Variants in MED26 observed in about 807,000 individuals in gnomAD.
The protein encoded by MED26 is mediator of RNA polymerase II transcription subunit 26.
A neutral mutation model predicts 43.7 loss-of-function variants in MED26; 7 were observed. That is an observed-to-expected ratio of 0.16 (90% CI 0.09 to 0.30). The LOEUF is 0.30. Among genes scored for constraint, MED26 ranks in the 10% least tolerant of loss-of-function variants. MED26 has a pLI of 1.00. For missense variants in MED26, 784 were observed against 840.6 expected (o/e 0.93, Z 0.83); for synonymous variants, 375 against 371.1 (o/e 1.01, Z -0.12).
chr19:16,615,547 G>A (rs541659717), intron 1 of MED26, among the ~76,000 whole-genome samples: 4 of 152,248 alleles, frequency 2.6e-5, no homozygotes, highest in African/African-American at 9.6e-5. Flanking sequence ...AGGAGTTCGA[G>A]ACCAGCCTGG....
In MED26 at chr19:16,576,083, C is replaced by G; in HGVS notation, c.1747G>C (p.Asp583His). 1 of 1,613,860 alleles carries G rather than the reference C, an allele frequency of 6.2e-7. No homozygotes were observed. The highest frequency in any genetic ancestry group is 1.3e-5 in the African/African-American group (1 of 75,030). ...WYDWTQCISLDPHGDDGRLNI... is the reference protein window; with the variant it reads ...WYDWTQCISLHPHGDDGRLNI... ...AAGCGCCCGTCGTCGCCGTGCGGAT[C>G]GAGCGATATGCACTGCGTCCAGTCA... The change falls in exon 3 of 3, where the codon GAT (aspartate) becomes CAT (histidine). Residue 583 changes from aspartate (D) to histidine (H), a missense_variant. Asp to His is a moderately conservative substitution (Grantham distance 81). This residue lies in a region of MED26 where 719 missense variants were observed against 730.9 expected (regional missense o/e 0.98). Coordinates refer to ENST00000263390, the MANE Select transcript of MED26 (RefSeq NM_004831.5). The surrounding 1 kb of genome is among the most constrained non-coding windows in gnomAD (Gnocchi z 6.8).
chr19:16,627,242 A>G (rs893637008), intron 1 of MED26, among the ~76,000 whole-genome samples: 2 of 152,166 alleles, frequency 1.3e-5, no homozygotes, highest in South Asian at 2.1e-4. Flanking sequence ...GAGATCATCT[A>G]TCGTCGGCAG....
At chr19:16,579,647 C>T (rs906542065) in intron 1 of MED26, among the ~76,000 whole-genome samples, 1 of 152,174 alleles carries the variant, frequency 6.6e-6, no homozygotes, top group African/African-American at 2.4e-5. Context: ...GGCTGGCTAG[C>T]GGGTGGGAGC....
At chr19:16,626,808 A>C (rs1295334112) in intron 1 of MED26, among the ~76,000 whole-genome samples, 1 of 152,124 alleles carries the variant, frequency 6.6e-6, no homozygotes, top group African/African-American at 2.4e-5. Context: ...GCCTCCCCTC[A>C]TACCTGGATG....
At chr19:16,592,966 C>T (rs2086104698) in intron 1 of MED26, among the ~76,000 whole-genome samples, 1 of 152,228 alleles carries the variant, frequency 6.6e-6, no homozygotes, top group African/African-American at 2.4e-5. Context: ...CAACTCACAG[C>T]CAAACCTCCC....
At chr19:16,610,216 C>A (rs552035697) in intron 1 of MED26, among the ~76,000 whole-genome samples, 1 of 151,884 alleles carries the variant, frequency 6.6e-6, no homozygotes, top group Non-Finnish European at 1.5e-5. Flanking sequence ...GCTATGATTG[C>A]GCTATTGCAC....
At position 16,587,137 on chromosome 19, in the gene MED26, C is replaced by T. The variant is rs1356910682; in HGVS notation, c.73-8728G>A. On this transcript the variant is annotated intron_variant, in intron 1 of 2. Coordinates refer to ENST00000263390, the MANE Select transcript of MED26 (RefSeq NM_004831.5). This position sits in a 1 kb window ranked among gnomAD's most constrained non-coding sequence, Gnocchi z 4.9. ...CACCCCCCAACCCCCAACACACAGTCGTGTCTGCTGAGGACACACGGGTGA... is the reference window on the plus strand; with the variant it reads ...CACCCCCCAACCCCCAACACACAGTTGTGTCTGCTGAGGACACACGGGTGA... 2 of 151,784 alleles carry T rather than the reference C, an allele frequency of 1.3e-5. No homozygotes were observed. The highest frequency in any genetic ancestry group is 3.9e-4 in the East Asian group (2 of 5,164). The allele number at this position is 151,784 out of a possible 1,614,324, so 9.4% of individuals were successfully genotyped here.
At position 16,582,639 on chromosome 19, in the gene MED26, C is replaced by T. The variant is rs185408696; in HGVS notation, c.73-4230G>A. On this transcript the variant is annotated intron_variant, in intron 1 of 2. Transcript: ENST00000263390. ...TCGTATGTGGCTGAGGGGAGGCTCC[C>T]GCTCTGACTCCAGGCCTGCTAAGTC... Among the ~76,000 whole-genome samples the T allele has an allele frequency of 2.7e-4, 41 of 152,296 alleles. No homozygotes were observed. In the East Asian group the frequency reaches 6.4e-3, roughly 24 times the overall value.
At position 16,578,279 on chromosome 19, in the gene MED26, T is replaced by C. The variant is rs750757912; in HGVS notation, c.147+56A>G. On this transcript the variant is annotated intron_variant, in intron 2 of 2. Transcript: ENST00000263390. ...AGAAGCTGCGGAAGGACCTGGTTGG[T>C]ACCATCCCCTGCCCCCCGTTCTGCC... 1.5e-5 allele frequency: 23 copies of C among 1,514,494 alleles called. No individual in the cohort carries two copies. In the Admixed American group the frequency reaches 3.3e-4, roughly 22 times the overall value. The allele number at this position is 1,514,494 out of a possible 1,614,324, so 93.8% of individuals were successfully genotyped here.
chr19:16,611,144 G>C (rs1425087582), intron 1 of MED26: 2 of 152,788 alleles, frequency 1.3e-5, no homozygotes, highest in East Asian at 1.9e-4. Flanking sequence ...GCAGAGGAGG[G>C]CTGGAGAACA....
intron 1 of MED26, among the ~76,000 whole-genome samples, chr19:16,585,223 G>C (rs1229931620): frequency 6.6e-6 from 1 of 152,150 alleles, no homozygotes; most frequent in Admixed American, 6.5e-5. Context: ...CATGCCAGCT[G>C]TCCATCCCGG....
Position 16,576,580 on chromosome 19 carries a change from G to C in MED26, c.1250C>G (p.Pro417Arg). Residue 417 changes from proline (P) to arginine (R), a missense_variant, in exon 3 of 3, where the codon CCT becomes CGT. By Grantham distance (103) the Pro-to-Arg change is moderately radical. This residue lies in a region of MED26 where 719 missense variants were observed against 730.9 expected (regional missense o/e 0.98). Transcript: ENST00000263390. This position sits in a 1 kb window ranked among gnomAD's most constrained non-coding sequence, Gnocchi z 6.8. ...DGQVAEAGVK[P>R]VRLKERKLTF... ...GAGCTTCCGCTCTTTTAACCGGACA[G>C]GCTTGACGCCCGCCTCAGCCACCTG... The C allele has an allele frequency of 6.2e-7, 1 of 1,614,224 alleles. No homozygotes were observed. Among genetic ancestry groups the C allele is most frequent in the Non-Finnish European group, 8.5e-7 (1 of 1,180,042 alleles).
At chr19:16,608,849 A>G (rs548402086) in intron 1 of MED26, among the ~76,000 whole-genome samples, 1 of 152,366 alleles carries the variant, frequency 6.6e-6, no homozygotes, top group South Asian at 2.1e-4. Flanking sequence ...CCTGGGGTTT[A>G]GACTTAAGAA....
chr19:16,589,790 CCTA>C (rs2086087639), intron 1 of MED26, among the ~76,000 whole-genome samples: 1 of 152,188 alleles, frequency 6.6e-6, no homozygotes, highest in Non-Finnish European at 1.5e-5. Flanking sequence ...TTAAAAATAA[CCTA>C]CTGTGTGTGA....
At chr19:16,614,916 C>A (rs1401985035) in intron 1 of MED26, among the ~76,000 whole-genome samples, 1 of 152,174 alleles carries the variant, frequency 6.6e-6, no homozygotes, top group African/African-American at 2.4e-5. Flanking sequence ...TGAATTCTTA[C>A]CCCCAAGCCC....
rs2086293251 is a variant in MED26, at chr19:16,628,161, G to A, written c.-218C>T. The A allele has an allele frequency of 5.5e-6, 2 of 362,354 alleles. No homozygotes were observed. Among genetic ancestry groups the A allele is most frequent in the South Asian group, 1.3e-4 (1 of 7,822 alleles). 22.4% of individuals were successfully genotyped at this position (362,354 alleles called of 1,614,324 possible). On this transcript the variant is annotated 5_prime_UTR_variant, in exon 1 of 3. Coordinates refer to ENST00000263390, the MANE Select transcript of MED26 (RefSeq NM_004831.5). ...CAAAGGAGGAGGAGGAGCCGCCGGAGCCGCCGCCGCTCGCTGCCGCCGCCT... is the reference window on the plus strand; with the variant it reads ...CAAAGGAGGAGGAGGAGCCGCCGGAACCGCCGCCGCTCGCTGCCGCCGCCT...
Position 16,575,414 on chromosome 19 carries a change from T to A in MED26, c.*613A>T, listed in dbSNP as rs1190649641. Reference sequence around the variant, plus strand: ...TATAAACAGGTGGCTGCCCATGGAGTGTGGGTCACACTGGCTGGCCAGCTG... The same window carrying A: ...TATAAACAGGTGGCTGCCCATGGAGAGTGGGTCACACTGGCTGGCCAGCTG... On this transcript the variant is annotated 3_prime_UTR_variant, in exon 3 of 3. Transcript: ENST00000263390. 2 of 152,972 alleles carry A rather than the reference T, an allele frequency of 1.3e-5. No individual in the cohort carries two copies. The highest frequency in any genetic ancestry group is 4.1e-4 in the South Asian group (2 of 4,840). The allele number at this position is 152,972 out of a possible 1,614,324, so 9.5% of individuals were successfully genotyped here.
In MED26 at chr19:16,576,187, G is replaced by C. The variant is rs781584589; in HGVS notation, c.1643C>G (p.Thr548Arg). Reference sequence around the variant, plus strand: ...CTGGATTCTGTCGAGATCGTCCTGTGTGACCTCCCGGGTCAGACCAGGGAG... The same window carrying C: ...CTGGATTCTGTCGAGATCGTCCTGTCTGACCTCCCGGGTCAGACCAGGGAG... ...TDLPGLTREV[T>R]QDDLDRIQAS... is the part of the protein sequence containing the mutation. The change falls in exon 3 of 3, where the codon ACA (threonine) becomes AGA (arginine). Residue 548 changes from threonine (T) to arginine (R), a missense_variant. Physicochemically the swap from Thr to Arg is moderately conservative, Grantham distance 71. Transcript: ENST00000263390. This position sits in a 1 kb window ranked among gnomAD's most constrained non-coding sequence, Gnocchi z 6.8. 1.9e-6 allele frequency: 3 copies of C among 1,613,086 alleles called. No individual in the cohort carries two copies. In the South Asian group the frequency reaches 3.3e-5, roughly 18 times the overall value.
intron 1 of MED26, among the ~76,000 whole-genome samples, chr19:16,593,725 G>A (rs1175298720): frequency 6.6e-6 from 1 of 152,144 alleles, no homozygotes; most frequent in East Asian, 1.9e-4. Context: ...TGAGAACACA[G>A]TGACTCTTGG....
Sources: allele counts gnomAD v4.1 joint callset (sites outside exome capture counted in the v4.1 genomes callset), GRCh38; gene constraint gnomAD v4.1.1; regional missense constraint gnomAD v4.1.1; non-coding constraint Gnocchi (gnomAD v3.1); transcripts MANE v1.5; gene names NCBI Gene and HGNC (gene_info 2026-07-23, HGNC 2026-07-21).